FBXO31: variants seen among roughly 807,000 people sequenced by gnomAD.
FBXO31 encodes the protein F-box only protein 31.
A neutral mutation model predicts 54.4 loss-of-function variants in FBXO31; 24 were observed. That is an observed-to-expected ratio of 0.44 (90% CI 0.32 to 0.62). The LOEUF (loss-of-function observed/expected upper bound fraction) is 0.62. Ranked by LOEUF, FBXO31 falls within the 20% of genes least tolerant of loss-of-function variation. The pLI, the probability that FBXO31 is intolerant of heterozygous loss-of-function variation, is 0.05. For synonymous variants in FBXO31, 388 were observed against 335.6 expected (o/e 1.16, Z -1.71); for missense variants, 665 against 787.1 (o/e 0.84, Z 1.86).
chr16:87,383,861 C>T (rs1354271866), upstream of FBXO31: 13 of 764,296 alleles, frequency 1.7e-5, no homozygotes, highest in Non-Finnish European at 2.2e-5. This position sits in a 1 kb window ranked among gnomAD's most constrained non-coding sequence, Gnocchi z 4.9. Context: ...GAGAGCCTAG[C>T]CCCGCCCCTA....
At position 87,345,095 on chromosome 16, in the gene FBXO31, G is replaced by C. The variant is rs1031312306; in HGVS notation, c.490-1330C>G. On this transcript the variant is annotated intron_variant, in intron 3 of 8. Coordinates refer to ENST00000311635, the MANE Select transcript of FBXO31 (RefSeq NM_024735.5). The surrounding 1 kb of genome is among the most constrained non-coding windows in gnomAD (Gnocchi z 4.9). ...GGGGCCATGCATGCCAGGCCTGGAA[G>C]AACCTGTGCAGAGGCCACGGGGAGA... Among the ~76,000 whole-genome samples the C allele has an allele frequency of 2.0e-5, 3 of 152,170 alleles. No individual in the cohort carries two copies. The highest frequency in any genetic ancestry group is 7.2e-5 in the African/African-American group (3 of 41,428).
intron 3 of FBXO31, among the ~76,000 whole-genome samples, chr16:87,344,384 C>T (rs572859750): frequency 2.0e-5 from 3 of 152,320 alleles, no homozygotes; most frequent in East Asian, 1.9e-4. Context: ...CTCGCGTGTC[C>T]GGGCGCCGAT....
rs1479305054 is a variant in FBXO31, at chr16:87,328,729, A to T, written c.*2559T>A. 1 of 152,252 alleles carries T rather than the reference A, an allele frequency of 6.6e-6. No homozygotes were observed. Among genetic ancestry groups the T allele is most frequent in the Non-Finnish European group, 1.5e-5 (1 of 68,066 alleles). 9.4% of individuals were successfully genotyped at this position (152,252 alleles called of 1,614,324 possible). On this transcript the variant is annotated 3_prime_UTR_variant, in exon 9 of 9. Coordinates refer to ENST00000311635, the MANE Select transcript of FBXO31 (RefSeq NM_024735.5). Reference sequence around the variant, plus strand: ...CACTGCAGGCAGCCCCACTCCAGAGAGCAGACTTGATCCTGCCCCAGAGTG... The same window carrying T: ...CACTGCAGGCAGCCCCACTCCAGAGTGCAGACTTGATCCTGCCCCAGAGTG...
chr16:87,377,854 T>C (rs1047419860), intron 1 of FBXO31, among the ~76,000 whole-genome samples: 1 of 150,160 alleles, frequency 6.7e-6, no homozygotes, highest in Non-Finnish European at 1.5e-5. Flanking sequence ...AAAACATGTA[T>C]ATATAAAAAA....
rs564133652 is a variant in FBXO31, at chr16:87,359,422, A to G, written c.412+873T>C. Among the ~76,000 whole-genome samples the G allele has an allele frequency of 9.8e-5, 15 of 152,312 alleles. No homozygotes were observed. In the East Asian group the frequency reaches 2.9e-3, roughly 29 times the overall value. ...CCATGTGTACACTCCTATGGCTGTT[A>G]CAGGAAACCCTAACACCTGGGCAGG... On this transcript the variant is annotated intron_variant, in intron 2 of 8. Coordinates refer to ENST00000311635, the MANE Select transcript of FBXO31 (RefSeq NM_024735.5).
At chr16:87,370,635 G>A (rs1161795231) in intron 1 of FBXO31, among the ~76,000 whole-genome samples, 1 of 152,184 alleles carries the variant, frequency 6.6e-6, no homozygotes, top group African/African-American at 2.4e-5. Flanking sequence ...GGGAACCCGA[G>A]GGAGAGGGCC....
At chr16:87,341,569 C>T (rs774160184) in intron 5 of FBXO31, among the ~76,000 whole-genome samples, 3 of 146,382 alleles carry the variant, frequency 2.0e-5, no homozygotes, top group Non-Finnish European at 4.5e-5. Context: ...GGCAGTAGAA[C>T]TGCCTGAACC....
upstream of FBXO31, chr16:87,383,837 C>G: frequency 1.1e-6 from 1 of 925,064 alleles, no homozygotes. The surrounding 1 kb of genome is among the most constrained non-coding windows in gnomAD (Gnocchi z 4.9). Flanking sequence ...CCGCAGAGCT[C>G]GCCACGCCCC....
Position 87,383,394 on chromosome 16 carries a change from C to T in FBXO31, c.340+11G>A. The T allele has an allele frequency of 6.5e-7, 1 of 1,531,414 alleles. No homozygotes were observed. The allele number at this position is 1,531,414 out of a possible 1,614,324, so 94.9% of individuals were successfully genotyped here. Reference sequence around the variant, plus strand: ...CCGCCCCTCCCGGCCCCGCCACCCCCGCGCGCTCACCCTCACGGCAACGCC... The same window carrying T: ...CCGCCCCTCCCGGCCCCGCCACCCCTGCGCGCTCACCCTCACGGCAACGCC... On this transcript the variant is annotated intron_variant, in intron 1 of 8. Coordinates refer to ENST00000311635, the MANE Select transcript of FBXO31 (RefSeq NM_024735.5). This position sits in a 1 kb window ranked among gnomAD's most constrained non-coding sequence, Gnocchi z 4.9.
chr16:87,335,064 G>A lies in FBXO31; in HGVS notation c.996+240C>T, dbSNP rs1345246465. ...GGTGGCCGGGGCTGAGCGGTGCTGTGGGAAGGCCACCTTGGAAGCACACAG... is the reference window on the plus strand; with the variant it reads ...GGTGGCCGGGGCTGAGCGGTGCTGTAGGAAGGCCACCTTGGAAGCACACAG... On this transcript the variant is annotated intron_variant, in intron 7 of 8. Coordinates refer to ENST00000311635, the MANE Select transcript of FBXO31 (RefSeq NM_024735.5). The surrounding 1 kb of genome is among the most constrained non-coding windows in gnomAD (Gnocchi z 5.7). Among the ~76,000 whole-genome samples, 1 of 152,204 alleles carries A rather than the reference G, an allele frequency of 6.6e-6. No homozygotes were observed. The highest frequency in any genetic ancestry group is 1.5e-5 in the Non-Finnish European group (1 of 68,020).
chr16:87,383,363 G>A lies in FBXO31; in HGVS notation c.340+42C>T. 2 of 1,437,772 alleles carry A rather than the reference G, an allele frequency of 1.4e-6. No homozygotes were observed. The highest frequency in any genetic ancestry group is 2.8e-5 in the East Asian group (1 of 36,020). 89.1% of individuals were successfully genotyped at this position (1,437,772 alleles called of 1,614,324 possible). On this transcript the variant is annotated intron_variant, in intron 1 of 8. Coordinates refer to ENST00000311635, the MANE Select transcript of FBXO31 (RefSeq NM_024735.5). This position sits in a 1 kb window ranked among gnomAD's most constrained non-coding sequence, Gnocchi z 4.9. The stretch of plus-strand genomic sequence containing the variant: ...AGCTCCGAGGCCTCCACCTGGCAGG[G>A]ACCCCCCGCCCCTCCCGGCCCCGCC...
rs911512245 is a variant in FBXO31, at chr16:87,383,494, C to A, written c.251G>T (p.Gly84Val). Residue 84 changes from glycine to valine, a missense_variant, in exon 1 of 9, where the codon GGC becomes GTC. Around this residue, in one of 4 missense-constraint regions of FBXO31, gnomAD observed 195 missense variants for 174.8 expected, o/e 1.12. Transcript: ENST00000311635. This position sits in a 1 kb window ranked among gnomAD's most constrained non-coding sequence, Gnocchi z 4.9. The part of the protein sequence containing the change: ...LLVEIFASLP[G>V]TDLPSLAQVC... ...CTGGGCCAAGCTGGGTAGGTCCGTG[C>A]CCGGCAGCGACGCGAAGATCTCCAC... is the stretch of plus-strand genomic sequence containing the variant. 6.3e-7 allele frequency: 1 copy of A among 1,587,998 alleles called. No homozygotes were observed. Among genetic ancestry groups the A allele is most frequent in the Non-Finnish European group, 8.5e-7 (1 of 1,170,868 alleles).
chr16:87,381,518 G>A (rs1235445796), intron 1 of FBXO31, among the ~76,000 whole-genome samples: 1 of 152,204 alleles, frequency 6.6e-6, no homozygotes, highest in East Asian at 1.9e-4. Context: ...ATAAACACGA[G>A]CCTGGGCTGG....
intron 1 of FBXO31, among the ~76,000 whole-genome samples, chr16:87,366,706 C>T (rs1597374640): frequency 6.6e-6 from 1 of 152,138 alleles, no homozygotes; most frequent in Admixed American, 6.5e-5. Context: ...GATGAAAGAG[C>T]TCCAGCCAAC....
rs949961640 is a variant in FBXO31, at chr16:87,328,981, G to T, written c.*2307C>A. Reference sequence around the variant, plus strand: ...CCTGCAGGAAATGGGCCACCTGCAGGATCCCCTGAGAGGGTGGATGCCCTC... The same window carrying T: ...CCTGCAGGAAATGGGCCACCTGCAGTATCCCCTGAGAGGGTGGATGCCCTC... On this transcript the variant is annotated 3_prime_UTR_variant, in exon 9 of 9. Transcript: ENST00000311635. 6.6e-6 allele frequency: 1 copy of T among 152,226 alleles called. No homozygotes were observed. The highest frequency in any genetic ancestry group is 1.5e-5 in the Non-Finnish European group (1 of 68,048). 9.4% of individuals were successfully genotyped at this position (152,226 alleles called of 1,614,324 possible).
chr16:87,358,408 T>C lies in FBXO31; in HGVS notation c.412+1887A>G, dbSNP rs1237923737. 1 of 152,662 alleles carries C rather than the reference T, an allele frequency of 6.6e-6. No individual in the cohort carries two copies. The highest frequency in any genetic ancestry group is 1.5e-5 in the Non-Finnish European group (1 of 68,052). The allele number at this position is 152,662 out of a possible 1,614,324, so 9.5% of individuals were successfully genotyped here. A position where few individuals can be genotyped will look rare whatever the true frequency, so the allele number is the denominator to read the frequency against. The stretch of plus-strand genomic sequence containing the variant: ...GAAGCCAAAGCTCGCAGGAGGTACA[T>C]ACGGCAGGTGTAAACGTCTCTGTAC... On this transcript the variant is annotated intron_variant, in intron 2 of 8. Coordinates refer to ENST00000311635, the MANE Select transcript of FBXO31 (RefSeq NM_024735.5). The surrounding 1 kb of genome is among the most constrained non-coding windows in gnomAD (Gnocchi z 4.0).
chr16:87,353,478 G>A (rs745931689), intron 2 of FBXO31, among the ~76,000 whole-genome samples: 5 of 152,248 alleles, frequency 3.3e-5, no homozygotes, highest in African/African-American at 1.2e-4. Context: ...GAATGCTTGC[G>A]CAGAAAGTGC....
At chr16:87,385,339 T>C (rs1437352346), upstream of FBXO31, among the ~76,000 whole-genome samples, 1 of 151,880 alleles carries the variant, frequency 6.6e-6, no homozygotes, top group African/African-American at 2.4e-5. Context: ...GTGCCTGTAG[T>C]CCCAGCTACT....
At position 87,345,620 on chromosome 16, in the gene FBXO31, G is replaced by A. The variant is rs1003760808; in HGVS notation, c.489+1554C>T. On this transcript the variant is annotated intron_variant, in intron 3 of 8. Transcript: ENST00000311635. This position sits in a 1 kb window ranked among gnomAD's most constrained non-coding sequence, Gnocchi z 4.9. Reference sequence around the variant, plus strand: ...CTCATATCAAACCTGCCCTCCTGCTGAGACCAGCCACGAAGACTGAACACT... The same window carrying A: ...CTCATATCAAACCTGCCCTCCTGCTAAGACCAGCCACGAAGACTGAACACT... Among the ~76,000 whole-genome samples the A allele has an allele frequency of 1.3e-5, 2 of 152,162 alleles. No homozygotes were observed. The highest frequency in any genetic ancestry group is 6.5e-5 in the Admixed American group (1 of 15,286).
Sources: allele counts gnomAD v4.1 joint callset (sites outside exome capture counted in the v4.1 genomes callset), GRCh38; gene constraint gnomAD v4.1.1; regional missense constraint gnomAD v4.1.1; non-coding constraint Gnocchi (gnomAD v3.1); transcripts MANE v1.5; gene names NCBI Gene and HGNC (gene_info 2026-07-23, HGNC 2026-07-21).